Variants in SIPA1L1 observed in about 807,000 individuals in gnomAD.
SIPA1L1 encodes the protein signal induced proliferation associated 1 like 1.
A neutral mutation model predicts 162.7 loss-of-function variants in SIPA1L1; 26 were observed. The observed-to-expected ratio is 0.16, with a 90% CI of 0.12 to 0.22. SIPA1L1 has a LOEUF of 0.22. Among genes scored for constraint, SIPA1L1 ranks in the 10% least tolerant of loss-of-function variants. The pLI is 1.00. For synonymous variants in SIPA1L1, 829 were observed against 837.4 expected, an observed-to-expected ratio of 0.99 and a Z score of 0.17; for missense variants, 1,874 against 2,241.0, an observed-to-expected ratio of 0.84 and a Z score of 3.31.
chr14:71,455,607 T>G (rs569225544), intron 2 of SIPA1L1, among the ~76,000 whole-genome samples: 7 of 152,308 alleles, frequency 4.6e-5, no homozygotes, highest in African/African-American at 1.4e-4. Flanking sequence ...CCATTATTAT[T>G]TAATTTAATT....
intron 9 of SIPA1L1, 107 bp from the exon 10 acceptor site, chr14:71,661,199 CATGT>C: frequency 1.8e-6 from 2 of 1,092,354 alleles, no homozygotes; most frequent in Non-Finnish European, 2.7e-6. Context: ...TACCTACCTT[CATGT>C]GTACTGATTA....
intron 2 of SIPA1L1, among the ~76,000 whole-genome samples, chr14:71,389,934 T>C (rs1247367358): frequency 1.3e-5 from 2 of 152,224 alleles, no homozygotes; most frequent in Admixed American, 1.3e-4. Context: ...GATTTTCTAG[T>C]ATTACCTGTA....
At chr14:71,510,064 C>T (rs1005796528) in intron 2 of SIPA1L1, among the ~76,000 whole-genome samples, 4 of 152,058 alleles carry the variant, frequency 2.6e-5, no homozygotes, top group African/African-American at 4.8e-5. Flanking sequence ...AAACAGTGGC[C>T]TCCTGTAAAT....
At chr14:71,624,027 C>G (rs201694428) in intron 6 of SIPA1L1, 21 bp from the exon 7 acceptor site, 1 of 1,576,192 alleles carries the variant, frequency 6.3e-7, no homozygotes, top group East Asian at 2.2e-5. Context: ...AGCCTCACCA[C>G]AGCACCTGTC....
chr14:71,491,761 AACACACACACACACACAC>A (rs59275638), intron 2 of SIPA1L1, among the ~76,000 whole-genome samples: 55 of 97,954 alleles, frequency 5.6e-4, no homozygotes, highest in Admixed American at 1.6e-3. Flanking sequence ...TTTTATTTCA[AACACACACACACACACAC>A]ACACACACAC....
At chr14:71,326,474 G>T (rs1244858659) in intron 2 of SIPA1L1, among the ~76,000 whole-genome samples, 1 of 152,010 alleles carries the variant, frequency 6.6e-6, no homozygotes, top group Non-Finnish European at 1.5e-5. Flanking sequence ...CTCCCAAACT[G>T]CTGGGATTAC....
At chr14:71,382,974 G>A (rs1566955016) in intron 2 of SIPA1L1, among the ~76,000 whole-genome samples, 1 of 152,042 alleles carries the variant, frequency 6.6e-6, no homozygotes, top group South Asian at 2.1e-4. Context: ...ATGAATAGAG[G>A]GAGTGAAGGC....
intron 7 of SIPA1L1, among the ~76,000 whole-genome samples, chr14:71,641,990 G>A (rs780826902): frequency 2.6e-5 from 4 of 152,118 alleles, no homozygotes; most frequent in African/African-American, 7.2e-5. Context: ...TAAATTATAC[G>A]CCTTGCATTT....
At chr14:71,607,729 T>G (rs1248631797) in intron 5 of SIPA1L1, among the ~76,000 whole-genome samples, 1 of 152,188 alleles carries the variant, frequency 6.6e-6, no homozygotes, top group African/African-American at 2.4e-5. Context: ...ACTTTTCAGT[T>G]TCTTTAATTA....
intron 2 of SIPA1L1, among the ~76,000 whole-genome samples, chr14:71,464,405 C>T (rs763335727): frequency 2.6e-5 from 4 of 152,148 alleles, no homozygotes; most frequent in East Asian, 1.9e-4. Flanking sequence ...CACTTTGGGT[C>T]GCCGAGGTGG....
intron 13 of SIPA1L1, among the ~76,000 whole-genome samples, chr14:71,690,314 C>G (rs2081166084): frequency 6.6e-6 from 1 of 152,054 alleles, no homozygotes; most frequent in African/African-American, 2.4e-5. Flanking sequence ...TCTTAGCTCA[C>G]TGTAAACTCA....
intron 2 of SIPA1L1, among the ~76,000 whole-genome samples, chr14:71,444,542 C>T (rs183599351): frequency 3.3e-5 from 5 of 152,316 alleles, no homozygotes; most frequent in Admixed American, 2.0e-4. Flanking sequence ...TTCCTATCTA[C>T]AGTTCCCAGA....
At chr14:71,590,236 A>G (rs896933078) in intron 5 of SIPA1L1, among the ~76,000 whole-genome samples, 3 of 151,844 alleles carry the variant, frequency 2.0e-5, no homozygotes, top group Non-Finnish European at 4.4e-5. Flanking sequence ...TTAATTAAGG[A>G]ATGAGTTTAA....
At chr14:71,675,057 CTT>C (rs1167773271) in intron 12 of SIPA1L1, among the ~76,000 whole-genome samples, 1 of 152,152 alleles carries the variant, frequency 6.6e-6, no homozygotes, top group African/African-American at 2.4e-5. Context: ...GTGAAGAAAA[CTT>C]TATTTGTAGT....
At chr14:71,427,521 T>C (rs956851518) in intron 2 of SIPA1L1, among the ~76,000 whole-genome samples, 6 of 152,192 alleles carry the variant, frequency 3.9e-5, no homozygotes, top group African/African-American at 1.4e-4. Context: ...TTGAGTTTTC[T>C]TGTCTCCTTT....
intron 12 of SIPA1L1, among the ~76,000 whole-genome samples, chr14:71,677,532 T>C (rs2045333586): frequency 6.6e-6 from 1 of 152,198 alleles, no homozygotes; most frequent in African/African-American, 2.4e-5. Flanking sequence ...GGTGTTTTAG[T>C]CATGAAGTCC....
chr14:71,714,499 A>G (rs2083115875), intron 17 of SIPA1L1, among the ~76,000 whole-genome samples: 2 of 152,252 alleles, frequency 1.3e-5, no homozygotes, highest in Admixed American at 6.5e-5. Flanking sequence ...TATGTAAAGC[A>G]TTCTACCAGG....
At chr14:71,321,766 C>T (rs1594794913) in intron 2 of SIPA1L1, 1 of 152,212 alleles carries the variant, frequency 6.6e-6, no homozygotes, top group South Asian at 2.1e-4. Context: ...CATCTGTTAC[C>T]AGCTTCTCTC....
chr14:71,583,637 C>T (rs1262322047), intron 4 of SIPA1L1, among the ~76,000 whole-genome samples: 1 of 151,936 alleles, frequency 6.6e-6, no homozygotes, highest in Non-Finnish European at 1.5e-5. Flanking sequence ...CATTCTATTC[C>T]TTGAATTAGG....
Sources: gnomAD v4.1 joint callset for allele counts (sites outside exome capture counted in the v4.1 genomes callset) on GRCh38, gnomAD v4.1.1 for gene constraint, MANE v1.5 for transcripts, NCBI Gene and HGNC (gene_info 2026-07-23, HGNC 2026-07-21) for gene names.